Variants in TRDN observed in about 807,000 individuals in gnomAD.
TRDN encodes the protein triadin in skeletal muscle.
Under a neutral mutation model 149.7 loss-of-function variants are expected in TRDN, and 161 were observed. That is an observed-to-expected ratio of 1.08 (90% CI 0.95 to 1.23). The LOEUF is 1.23. Ranked by LOEUF, TRDN falls within the 50% of genes most tolerant of loss-of-function variation. TRDN has a pLI of 0.00. For synonymous variants in TRDN, 294 were observed against 250.5 expected (o/e 1.17, Z -1.64); for missense variants, 896 against 823.5 (o/e 1.09, Z -1.08).
rs1582867177 is a variant in TRDN, at chr6:123,320,028, A to G, written c.1472-3533T>C. Among the ~76,000 whole-genome samples the G allele has an allele frequency of 3.3e-5, 5 of 152,234 alleles. No homozygotes were observed. In the South Asian group the frequency reaches 1.0e-3, roughly 32 times the overall value. On this transcript the variant is annotated intron_variant, in intron 23 of 40. Coordinates refer to ENST00000334268, the MANE Select transcript of TRDN (RefSeq NM_006073.4). ...TCTGCTTTGTCTTCATAAAAAGAAA[A>G]GAAATAAATTTATTCAATATATAAA... is the stretch of plus-strand genomic sequence containing the variant.
At chr6:123,344,652 A>G (rs940707177) in intron 21 of TRDN, among the ~76,000 whole-genome samples, 17 of 152,052 alleles carry the variant, frequency 1.1e-4, no homozygotes, top group African/African-American at 4.1e-4. Context: ...ATATTAATGT[A>G]CCAGAATTTA....
chr6:123,246,396 G>T (rs1776182693), intron 38 of TRDN, among the ~76,000 whole-genome samples: 1 of 151,898 alleles, frequency 6.6e-6, no homozygotes, highest in South Asian at 2.1e-4. Context: ...AATGATAAAG[G>T]GGATATCACC....
intron 21 of TRDN, chr6:123,352,118 A>T: frequency 1.0e-6 from 1 of 983,552 alleles, no homozygotes; most frequent in South Asian, 4.7e-5. Flanking sequence ...TTTAACTTTT[A>T]CATATTTTTT....
chr6:123,505,996 T>C (rs1046634776), intron 7 of TRDN, among the ~76,000 whole-genome samples: 32 of 152,232 alleles, frequency 2.1e-4, no homozygotes, highest in Non-Finnish European at 4.0e-4. Context: ...TGCTGGTTTC[T>C]GCTCTTTCCT....
At chr6:123,613,236 C>T (rs1293825857) in intron 1 of TRDN, among the ~76,000 whole-genome samples, 1 of 152,172 alleles carries the variant, frequency 6.6e-6, no homozygotes, top group Non-Finnish European at 1.5e-5. Flanking sequence ...CAGCTAATGC[C>T]AAACTTTCCA....
At position 123,548,624 on chromosome 6, in the gene TRDN, T is replaced by TAA. The variant is rs66509682; in HGVS notation, c.233-14_233-13dup. On this transcript the variant is annotated splice_polypyrimidine_tract_variant and intron_variant, in intron 2 of 40. Coordinates refer to ENST00000334268, the MANE Select transcript of TRDN (RefSeq NM_006073.4). Reference sequence around the variant, plus strand: ...GGCAATAGAGCTTGCTAAAAGTAATTAAAAAAAAAAAAAAAGAAAAAGTTT... The same window carrying TAA: ...GGCAATAGAGCTTGCTAAAAGTAATTAAAAAAAAAAAAAAAAAGAAAAAGTTT... 115 of 1,197,372 alleles carry TAA rather than the reference T, an allele frequency of 9.6e-5. No homozygotes were observed. The highest frequency in any genetic ancestry group is 3.5e-4 in the South Asian group (13 of 37,404). 74.2% of individuals were successfully genotyped at this position (1,197,372 alleles called of 1,614,324 possible).
intron 14 of TRDN, among the ~76,000 whole-genome samples, chr6:123,383,111 G>C (rs530822388): frequency 6.6e-6 from 1 of 152,002 alleles, no homozygotes; most frequent in Admixed American, 6.6e-5. Flanking sequence ...CTAATAGTTT[G>C]CAAGTTAATG....
chr6:123,424,759 T>A (rs1774046064), intron 12 of TRDN, among the ~76,000 whole-genome samples: 1 of 152,134 alleles, frequency 6.6e-6, no homozygotes, highest in Admixed American at 6.6e-5. Context: ...CGCCCTTCAG[T>A]TGATGAATAG....
At chr6:123,419,963 T>A (rs1773827954) in intron 12 of TRDN, among the ~76,000 whole-genome samples, 1 of 152,142 alleles carries the variant, frequency 6.6e-6, no homozygotes, top group Non-Finnish European at 1.5e-5. Flanking sequence ...AGGGTGACAA[T>A]TTTCATCAGT....
chr6:123,287,078 T>A (rs565770642), intron 24 of TRDN, among the ~76,000 whole-genome samples: 1 of 152,224 alleles, frequency 6.6e-6, no homozygotes, highest in African/African-American at 2.4e-5. Context: ...AATCAACAGA[T>A]AAGAAGCACA....
intron 9 of TRDN, among the ~76,000 whole-genome samples, chr6:123,490,091 T>C (rs1778148484): frequency 6.6e-6 from 1 of 152,152 alleles, no homozygotes; most frequent in African/African-American, 2.4e-5. Flanking sequence ...TTGAAATTGA[T>C]TATACAAGTG....
At chr6:123,461,588 A>C (rs944200769) in intron 10 of TRDN, among the ~76,000 whole-genome samples, 1 of 152,202 alleles carries the variant, frequency 6.6e-6, no homozygotes, top group Non-Finnish European at 1.5e-5. Context: ...TTGTTGATTA[A>C]AGATGAATGG....
chr6:123,595,039 T>C (rs538124299), intron 1 of TRDN, among the ~76,000 whole-genome samples: 1 of 152,136 alleles, frequency 6.6e-6, no homozygotes, highest in South Asian at 2.1e-4. Context: ...CAGAAAATAA[T>C]GAACATTTTT....
intron 21 of TRDN, among the ~76,000 whole-genome samples, chr6:123,341,940 T>C (rs1056091383): frequency 3.9e-5 from 6 of 152,024 alleles, no homozygotes; most frequent in African/African-American, 1.2e-4. Flanking sequence ...CTCTTCCTTA[T>C]AGTAGTATAG....
intron 10 of TRDN, chr6:123,440,920 C>T (rs1267129337): frequency 1.3e-5 from 2 of 152,142 alleles, no homozygotes; most frequent in Non-Finnish European, 2.9e-5. Context: ...TGAATTAATG[C>T]TCCTATTATA....
At chr6:123,442,867 G>A (rs1276329624) in intron 10 of TRDN, among the ~76,000 whole-genome samples, 3 of 152,190 alleles carry the variant, frequency 2.0e-5, no homozygotes, top group East Asian at 3.9e-4. Context: ...ACAGAAACAT[G>A]TTATGAAGGG....
At chr6:123,617,408 G>A (rs1057503270) in intron 1 of TRDN, among the ~76,000 whole-genome samples, 2 of 151,978 alleles carry the variant, frequency 1.3e-5, no homozygotes. Context: ...GTTCAATGTA[G>A]CAATATTAAG....
At chr6:123,449,361 A>G (rs537666211) in intron 10 of TRDN, among the ~76,000 whole-genome samples, 1 of 152,290 alleles carries the variant, frequency 6.6e-6, no homozygotes, top group East Asian at 1.9e-4. Flanking sequence ...AAGGAAATAG[A>G]TCGATTAAAA....
At chr6:123,513,207 T>C (rs1490340265) in intron 6 of TRDN, among the ~76,000 whole-genome samples, 3 of 152,100 alleles carry the variant, frequency 2.0e-5, no homozygotes, top group African/African-American at 4.8e-5. Flanking sequence ...GGATTATGGG[T>C]AATAGATTAG....
Sources: allele counts gnomAD v4.1 joint callset (sites outside exome capture counted in the v4.1 genomes callset), GRCh38; gene constraint gnomAD v4.1.1; transcripts MANE v1.5; gene names NCBI Gene and HGNC (gene_info 2026-07-23, HGNC 2026-07-21).